The following CAPN8 variants were observed in gnomAD, a reference collection of about 807,000 sequenced individuals.
The protein encoded by CAPN8 is calpain 8, also known as calpain-8.
Under a neutral mutation model 80.9 loss-of-function variants are expected in CAPN8, and 87 were observed. The observed-to-expected ratio is 1.07, with a 90% CI of 0.90 to 1.28. The LOEUF is 1.28. Among genes scored for constraint, CAPN8 ranks in the 50% most tolerant of loss-of-function variants. The pLI, the probability that CAPN8 is intolerant of heterozygous loss-of-function variation, is 0.00. For synonymous variants in CAPN8, 299 were observed against 273.8 expected (o/e 1.09, Z -0.91); for missense variants, 757 against 702.0 (o/e 1.08, Z -0.89).
intron 1 of CAPN8, among the ~76,000 whole-genome samples, chr1:223,657,615 A>C (rs1311390148): frequency 6.6e-6 from 1 of 152,066 alleles, no homozygotes; most frequent in Non-Finnish European, 1.5e-5. Flanking sequence ...AAAAATACAA[A>C]AATTAGCCAG....
chr1:223,621,953 T>A (rs780246246), intron 7 of CAPN8, among the ~76,000 whole-genome samples: 2 of 151,764 alleles, frequency 1.3e-5, no homozygotes, highest in Admixed American at 6.6e-5. Context: ...AACTCCTGGG[T>A]TCAAGCGATT....
chr1:223,546,756 G>C (rs1656632709), intron 16 of CAPN8, among the ~76,000 whole-genome samples: 1 of 152,160 alleles, frequency 6.6e-6, no homozygotes, highest in African/African-American at 2.4e-5. Flanking sequence ...GCCAGAATTT[G>C]GACCCCTGTC....
intron 1 of CAPN8, among the ~76,000 whole-genome samples, chr1:223,655,569 T>C (rs148387107): frequency 5.1e-4 from 78 of 152,246 alleles, no homozygotes; most frequent in African/African-American, 1.8e-3. Context: ...TTGCTGTATA[T>C]AGCAAACCAA....
chr1:223,615,827 T>C (rs1277256038), intron 10 of CAPN8, 143 bp downstream of exon 10: 2 of 984,236 alleles, frequency 2.0e-6, no homozygotes, highest in East Asian at 5.2e-5. Context: ...GTAAGGCCAC[T>C]GGGAGAGGTA....
chr1:223,645,533 C>T lies in CAPN8; in HGVS notation c.307+8797G>A, dbSNP rs530121727. Among the ~76,000 whole-genome samples the T allele has an allele frequency of 6.6e-5, 10 of 152,288 alleles. No homozygotes were observed. In the South Asian group the frequency reaches 1.7e-3, roughly 25 times the overall value. The stretch of plus-strand genomic sequence containing the variant: ...AGAGAAAATGGGATTTGAGGAAATA[C>T]GAGCCTAAGCCAAGTCTGAAGGGGG... On this transcript the variant is annotated intron_variant, in intron 2 of 20. Coordinates refer to ENST00000366872, the MANE Select transcript of CAPN8 (RefSeq NM_001143962.2).
At chr1:223,637,077 A>T (rs1000665885) in intron 2 of CAPN8, among the ~76,000 whole-genome samples, 1 of 152,170 alleles carries the variant, frequency 6.6e-6, no homozygotes, top group African/African-American at 2.4e-5. Context: ...CTCTCTGAAG[A>T]CTTCGCGTAT....
intron 4 of CAPN8, 139 bp from the exon 5 acceptor site, chr1:223,627,296 G>A: frequency 1.1e-6 from 1 of 946,738 alleles, no homozygotes; most frequent in South Asian, 1.8e-5. Context: ...CTATGGGCCA[G>A]GAAGGTGCTT....
At chr1:223,640,765 C>A (rs750442358) in intron 2 of CAPN8, among the ~76,000 whole-genome samples, 1 of 152,046 alleles carries the variant, frequency 6.6e-6, no homozygotes, top group Non-Finnish European at 1.5e-5. Context: ...CAAAAAGAAG[C>A]AAAATTGTCA....
intron 17 of CAPN8, 155 bp from the exon 18 acceptor site, chr1:223,545,005 G>A: frequency 2.8e-6 from 4 of 1,451,838 alleles, no homozygotes; most frequent in East Asian, 5.0e-5. Flanking sequence ...GCAAGCATAA[G>A]AGCTTGGCCA....
rs1657447031 is a variant in CAPN8, at chr1:223,622,916, A to G, written c.814-16T>C. On this transcript the variant is annotated splice_polypyrimidine_tract_variant and intron_variant, in intron 6 of 20. Transcript: ENST00000366872. ...GGAAATTCACCTGCAAATTCCATACACAGAAAAGCGACTGAATTACTATGC... is the reference window on the plus strand; with the variant it reads ...GGAAATTCACCTGCAAATTCCATACGCAGAAAAGCGACTGAATTACTATGC... 2 of 1,545,796 alleles carry G rather than the reference A, an allele frequency of 1.3e-6. No homozygotes were observed. The highest frequency in any genetic ancestry group is 2.4e-5 in the East Asian group (1 of 40,912).
At chr1:223,611,786 G>A (rs1215468951) in intron 11 of CAPN8, among the ~76,000 whole-genome samples, 1 of 152,222 alleles carries the variant, frequency 6.6e-6, no homozygotes, top group Non-Finnish European at 1.5e-5. Flanking sequence ...TGCAGCCTTG[G>A]ATCAAGGCAT....
chr1:223,545,359 T>C, intron 16 of CAPN8, 60 bp from the exon 17 acceptor site: 8 of 1,549,918 alleles, frequency 5.2e-6, no homozygotes, highest in Non-Finnish European at 7.0e-6. Context: ...ATAGATTTCT[T>C]TCTCTTGTGA....
chr1:223,651,217 T>C (rs1658335116), intron 2 of CAPN8, among the ~76,000 whole-genome samples: 1 of 151,934 alleles, frequency 6.6e-6, no homozygotes. Context: ...TTTGAAGAAC[T>C]CTCTTTCTCA....
intron 2 of CAPN8, among the ~76,000 whole-genome samples, chr1:223,646,214 C>T (rs1002299806): frequency 1.1e-4 from 16 of 152,346 alleles, no homozygotes; most frequent in African/African-American, 3.1e-4. Flanking sequence ...GGACTTGTTT[C>T]CATTCCTCAG....
At chr1:223,612,348 C>T in intron 10 of CAPN8, 91 bp from the exon 11 acceptor site, 1 of 1,151,508 alleles carries the variant, frequency 8.7e-7, no homozygotes, top group Non-Finnish European at 1.1e-6. Context: ...TGCAAACAGA[C>T]TGTGCAGTCC....
chr1:223,548,956 G>A (rs61825160), intron 16 of CAPN8, among the ~76,000 whole-genome samples: 1 of 150,020 alleles, frequency 6.7e-6, no homozygotes, highest in Admixed American at 6.7e-5. Flanking sequence ...GGGTGGGGAC[G>A]GGTAGAATTG....
intron 2 of CAPN8, among the ~76,000 whole-genome samples, chr1:223,640,785 A>C (rs1658023042): frequency 6.6e-6 from 1 of 152,118 alleles, no homozygotes; most frequent in African/African-American, 2.4e-5. Flanking sequence ...ATGATGTGGA[A>C]ATATTCATGA....
intron 5 of CAPN8, among the ~76,000 whole-genome samples, chr1:223,626,261 C>A (rs542822072): frequency 3.3e-5 from 5 of 152,280 alleles, no homozygotes; most frequent in South Asian, 2.1e-4. Context: ...TGAGTGGACT[C>A]CTCATTACCC....
intron 16 of CAPN8, among the ~76,000 whole-genome samples, chr1:223,546,908 T>A (rs1310727007): frequency 1.3e-5 from 2 of 151,644 alleles, no homozygotes; most frequent in African/African-American, 4.8e-5. Context: ...GTTGTTGTTG[T>A]TGTTGTTGTT....
Sources: allele counts gnomAD v4.1 joint callset (sites outside exome capture counted in the v4.1 genomes callset), GRCh38; gene constraint gnomAD v4.1.1; transcripts MANE v1.5; gene names NCBI Gene and HGNC (gene_info 2026-07-23, HGNC 2026-07-21).